Variants in IL1RAPL1 observed in about 807,000 individuals in gnomAD.
IL1RAPL1 encodes the protein interleukin 1 receptor accessory protein like 1, also known as interleukin-1 receptor accessory protein-like 1.
In IL1RAPL1, 3 loss-of-function variants were observed where a neutral mutation model predicts 48.4. The ratio of observed to expected loss-of-function variants is 0.06; its 90% CI spans 0.03 to 0.16. The LOEUF is 0.16. Ranked by LOEUF, IL1RAPL1 falls within the 10% of genes least tolerant of loss-of-function variation. The pLI is 1.00. For synonymous variants in IL1RAPL1, 185 were observed against 187.7 expected (o/e 0.99, Z 0.12); for missense variants, 349 against 530.6 (o/e 0.66, Z 3.36).
At chrX:28,974,502 C>T (rs750403190) in intron 2 of IL1RAPL1, among the ~76,000 whole-genome samples, 102 of 111,814 alleles carry the variant, frequency 9.1e-4, no homozygotes, top group African/African-American at 2.7e-3. Flanking sequence ...CTCAAGAAAC[C>T]TCTGTTAATC....
At chrX:28,916,716 T>G (rs1923497918) in intron 2 of IL1RAPL1, among the ~76,000 whole-genome samples, 1 of 112,069 alleles carries the variant, frequency 8.9e-6, no homozygotes. Flanking sequence ...GGAGCAAACT[T>G]GGAATACCAA....
intron 2 of IL1RAPL1, among the ~76,000 whole-genome samples, chrX:28,796,937 A>G (rs1163949297): frequency 3.6e-5 from 4 of 111,954 alleles, no homozygotes; most frequent in African/African-American, 6.5e-5. Context: ...AGGCATTTCC[A>G]TACATTTTCT....
chrX:28,724,671 G>T (rs5985894), intron 1 of IL1RAPL1, among the ~76,000 whole-genome samples: 1 of 109,546 alleles, frequency 9.1e-6, no homozygotes, highest in Admixed American at 9.8e-5. Flanking sequence ...TTGTTAGTGG[G>T]TGCGGTTTCT....
chrX:29,210,592 AGAAATGTATTCAGTCATATTATCAT>A (rs747620462), intron 2 of IL1RAPL1, among the ~76,000 whole-genome samples: 61 of 112,141 alleles, frequency 5.4e-4, no homozygotes, highest in Non-Finnish European at 5.6e-5. Flanking sequence ...AGCCAGCTTC[AGAAATGTATTCAGTCATATTATCAT>A]GAAATATGTA....
At chrX:28,624,692 T>C (rs1284979294) in intron 1 of IL1RAPL1, among the ~76,000 whole-genome samples, 1 of 111,965 alleles carries the variant, frequency 8.9e-6, no homozygotes, top group Non-Finnish European at 1.9e-5. Context: ...TTATCTGAAC[T>C]CGGAATCTAT....
At chrX:29,890,094 T>G (rs1932247325) in intron 6 of IL1RAPL1, among the ~76,000 whole-genome samples, 1 of 111,590 alleles carries the variant, frequency 9.0e-6, no homozygotes, top group Non-Finnish European at 1.9e-5. Context: ...TAACTTTGTT[T>G]GTAGTATTTA....
chrX:29,313,278 TGTGTGTGTGCGC>T lies in IL1RAPL1; in HGVS notation c.362+30063_362+30074del, dbSNP rs1392620259. Among the ~76,000 whole-genome samples, 67 of 82,743 alleles carry T rather than the reference TGTGTGTGTGCGC, an allele frequency of 8.1e-4. 1 individual carries two copies. Among genetic ancestry groups the T allele is most frequent in the African/African-American group, 2.3e-3 (64 of 27,990 alleles). 71.9% of individuals were successfully genotyped at this position (82,743 alleles called of 115,157 possible). A position where few individuals can be genotyped will look rare whatever the true frequency, so the allele number is the denominator to read the frequency against. On this transcript the variant is annotated intron_variant, in intron 3 of 10. Coordinates refer to ENST00000378993, the MANE Select transcript of IL1RAPL1 (RefSeq NM_014271.4). ...CTGTGTGTGTGTGTGTGTGTGTGTG[TGTGTGTGTGCGC>T]GCGCACATGCATTCTCACGCTCATA... is the stretch of plus-strand genomic sequence containing the variant.
intron 6 of IL1RAPL1, among the ~76,000 whole-genome samples, chrX:29,877,446 T>C (rs1291212829): frequency 1.8e-5 from 2 of 112,041 alleles, no homozygotes; most frequent in Non-Finnish European, 3.8e-5. Flanking sequence ...AACAAGTTTG[T>C]AGAAGGGTCA....
At chrX:29,630,817 C>T (rs1413089107) in intron 5 of IL1RAPL1, among the ~76,000 whole-genome samples, 4 of 112,286 alleles carry the variant, frequency 3.6e-5, no homozygotes, top group African/African-American at 1.3e-4. Flanking sequence ...GGATTACAGG[C>T]GTGAGCCACC....
chrX:29,696,542 A>G (rs1212701228), intron 6 of IL1RAPL1, among the ~76,000 whole-genome samples: 1 of 112,014 alleles, frequency 8.9e-6, no homozygotes, highest in Non-Finnish European at 1.9e-5. Flanking sequence ...ATCAGTGGAA[A>G]TGCATGGTGC....
chrX:29,794,908 A>G (rs1487330796), intron 6 of IL1RAPL1, among the ~76,000 whole-genome samples: 2 of 112,266 alleles, frequency 1.8e-5, no homozygotes, highest in Non-Finnish European at 3.8e-5. Flanking sequence ...CCTTTTGTGA[A>G]TTAATGAAAC....
At chrX:29,702,959 T>G (rs1211106929) in intron 6 of IL1RAPL1, among the ~76,000 whole-genome samples, 3 of 112,286 alleles carry the variant, frequency 2.7e-5, no homozygotes, top group African/African-American at 9.7e-5. Context: ...CCACATGAAT[T>G]AAAAATGACC....
chrX:29,391,055 T>A (rs1450672864), intron 3 of IL1RAPL1, among the ~76,000 whole-genome samples: 1 of 110,256 alleles, frequency 9.1e-6, no homozygotes, highest in African/African-American at 3.3e-5. Flanking sequence ...GTGCCTGTAA[T>A]CTCAGCTATT....
At chrX:29,540,504 A>AGGC (rs1371256890) in intron 5 of IL1RAPL1, among the ~76,000 whole-genome samples, 3 of 112,008 alleles carry the variant, frequency 2.7e-5, no homozygotes, top group Non-Finnish European at 5.6e-5. Flanking sequence ...ACAAAGCCAG[A>AGGC]GGCATCACAC....
intron 1 of IL1RAPL1, chrX:28,659,504 C>T (rs1934791473): frequency 6.3e-6 from 3 of 477,489 alleles, no homozygotes; most frequent in Non-Finnish European, 7.6e-6. Flanking sequence ...CACCCTTCTC[C>T]TTCGGCTGGA....
At chrX:29,676,913 T>C (rs918795320) in intron 6 of IL1RAPL1, among the ~76,000 whole-genome samples, 2 of 112,059 alleles carry the variant, frequency 1.8e-5, no homozygotes, top group Admixed American at 1.9e-4. Flanking sequence ...TACTAGCATA[T>C]AAAAATACAG....
chrX:28,869,528 A>G (rs1922157451), intron 2 of IL1RAPL1, among the ~76,000 whole-genome samples: 2 of 112,336 alleles, frequency 1.8e-5, no homozygotes, highest in South Asian at 7.2e-4. Flanking sequence ...AAAAGAAAGT[A>G]AAGTGGGATA....
At chrX:29,660,203 A>G (rs60746700) in intron 5 of IL1RAPL1, among the ~76,000 whole-genome samples, 15,296 of 111,533 alleles carry the variant, frequency 0.14, 1,077 homozygotes, top group African/African-American at 0.27. Flanking sequence ...ACAATTCGAC[A>G]TGAGATTTGG....
At chrX:29,946,073 A>T (rs2147253944) in intron 9 of IL1RAPL1, among the ~76,000 whole-genome samples, 1 of 111,215 alleles carries the variant, frequency 9.0e-6, no homozygotes, top group African/African-American at 3.3e-5. Flanking sequence ...ATTAGTCATC[A>T]ATATCAGTCA....
Sources: gnomAD v4.1 joint callset for allele counts (sites outside exome capture counted in the v4.1 genomes callset) on GRCh38, gnomAD v4.1.1 for gene constraint, MANE v1.5 for transcripts, NCBI Gene and HGNC (gene_info 2026-07-23, HGNC 2026-07-21) for gene names.